EBF1: variants seen among roughly 807,000 people sequenced by gnomAD.
The protein encoded by EBF1 is transcription factor COE1.
In EBF1, 10 loss-of-function variants were observed where a neutral mutation model predicts 68.4. The observed-to-expected ratio is 0.15, with a 90% confidence interval of 0.09 to 0.25. The LOEUF is 0.25. Ranked by LOEUF, EBF1 falls within the 10% of genes least tolerant of loss-of-function variation. EBF1 has a pLI of 1.00. For missense variants in EBF1, 509 were observed against 794.4 expected (o/e 0.64, Z 4.32); for synonymous variants, 298 against 299.8 (o/e 0.99, Z 0.06).
intron 6 of EBF1, among the ~76,000 whole-genome samples, chr5:159,046,421 T>C (rs932432769): frequency 5.3e-5 from 8 of 152,304 alleles, no homozygotes; most frequent in South Asian, 4.1e-4. Context: ...ATCCTACTTA[T>C]TAAAACATTC....
intron 6 of EBF1, among the ~76,000 whole-genome samples, chr5:158,943,171 T>G (rs1208199657): frequency 6.6e-6 from 1 of 152,148 alleles, no homozygotes; most frequent in Non-Finnish European, 1.5e-5. Context: ...ATCTTCTGTC[T>G]TTCAGGAGGT....
chr5:159,098,899 G>GA (rs997403371), intron 1 of EBF1, among the ~76,000 whole-genome samples: 8 of 127,290 alleles, frequency 6.3e-5, no homozygotes, highest in African/African-American at 2.4e-4. Context: ...GAAAGAAAAA[G>GA]AAAAAAGAAA....
chr5:158,778,416 T>C (rs1442146047), intron 9 of EBF1, among the ~76,000 whole-genome samples: 1 of 152,210 alleles, frequency 6.6e-6, no homozygotes. Context: ...ATTCTGCAAT[T>C]GTCTACTCTT....
At chr5:158,937,660 G>A (rs1419696544) in intron 6 of EBF1, among the ~76,000 whole-genome samples, 1 of 152,176 alleles carries the variant, frequency 6.6e-6, no homozygotes, top group Non-Finnish European at 1.5e-5. Flanking sequence ...ATTCGAGTGC[G>A]GAATGGCTTC....
intron 8 of EBF1, among the ~76,000 whole-genome samples, chr5:158,818,133 C>T (rs1245888503): frequency 6.6e-6 from 1 of 152,164 alleles, no homozygotes; most frequent in African/African-American, 2.4e-5. Context: ...AGCAAAGTGA[C>T]CTTCCCAGGG....
intron 6 of EBF1, among the ~76,000 whole-genome samples, chr5:158,942,334 C>T (rs925477004): frequency 3.3e-5 from 5 of 152,180 alleles, no homozygotes; most frequent in African/African-American, 9.7e-5. Flanking sequence ...ATCAGACCAC[C>T]TGCATTCAAT....
intron 10 of EBF1, among the ~76,000 whole-genome samples, chr5:158,767,192 A>G (rs1244909454): frequency 6.6e-6 from 1 of 152,202 alleles, no homozygotes; most frequent in East Asian, 1.9e-4. Flanking sequence ...TCTATATTAG[A>G]AGTAAGTACT....
intron 11 of EBF1, among the ~76,000 whole-genome samples, chr5:158,723,145 C>T (rs919467984): frequency 4.6e-5 from 7 of 152,186 alleles, no homozygotes; most frequent in African/African-American, 1.7e-4. Context: ...CAGGGTTTGT[C>T]TGCATTTACA....
intron 6 of EBF1, among the ~76,000 whole-genome samples, chr5:158,956,665 T>A (rs1485020413): frequency 6.6e-6 from 1 of 151,694 alleles, no homozygotes; most frequent in Non-Finnish European, 1.5e-5. Flanking sequence ...GAAAATATTA[T>A]AGAAAGGTTC....
intron 10 of EBF1, among the ~76,000 whole-genome samples, chr5:158,767,666 C>G (rs1245003058): frequency 6.6e-6 from 1 of 150,404 alleles, no homozygotes; most frequent in East Asian, 2.0e-4. Context: ...TTGTAGAGAA[C>G]AAGAAGACTG....
chr5:158,810,171 A>G (rs1392646560), intron 8 of EBF1, among the ~76,000 whole-genome samples: 3 of 152,156 alleles, frequency 2.0e-5, no homozygotes, highest in African/African-American at 7.2e-5. Context: ...GACCAAAGAT[A>G]TATTTTCTTC....
At position 158,760,107 on chromosome 5, in the gene EBF1, C is replaced by T. The variant is rs554398183; in HGVS notation, c.1036+17306G>A. On this transcript the variant is annotated intron_variant, in intron 10 of 15. Coordinates refer to ENST00000313708, the MANE Select transcript of EBF1 (RefSeq NM_024007.5). ...TTTGTCCTTTAAGACTTTAGAAATT[C>T]TAGGTGAATTAATAAATTCACGGTT... 2.0e-5 allele frequency among the ~76,000 whole-genome samples: 3 copies of T among 152,214 alleles called. No individual in the cohort carries two copies. In the East Asian group the frequency reaches 5.8e-4, roughly 29 times the overall value.
intron 5 of EBF1, 49 bp downstream of exon 5, chr5:159,084,617 A>G (rs1200205755): frequency 8.2e-6 from 12 of 1,459,172 alleles, no homozygotes; most frequent in African/African-American, 2.9e-5. Flanking sequence ...TGAAATGCAA[A>G]TTCATCTTCT....
intron 10 of EBF1, among the ~76,000 whole-genome samples, chr5:158,748,661 T>C (rs13170526): frequency 6.6e-6 from 1 of 152,136 alleles, no homozygotes; most frequent in African/African-American, 2.4e-5. Flanking sequence ...GCATATTAAG[T>C]GCTCATCTTC....
chr5:159,082,281 G>A (rs531063784), intron 5 of EBF1, among the ~76,000 whole-genome samples: 23 of 152,156 alleles, frequency 1.5e-4, no homozygotes, highest in Non-Finnish European at 3.1e-4. Context: ...TTATTGTGCC[G>A]TTAGCTTTGA....
At chr5:158,769,207 T>C (rs555276400) in intron 10 of EBF1, among the ~76,000 whole-genome samples, 11 of 152,288 alleles carry the variant, frequency 7.2e-5, no homozygotes, top group Admixed American at 3.3e-4. Flanking sequence ...CCCTATTACA[T>C]GAATGATGAA....
chr5:159,048,004 T>C (rs1386124741), intron 6 of EBF1, among the ~76,000 whole-genome samples: 2 of 152,160 alleles, frequency 1.3e-5, no homozygotes, highest in Non-Finnish European at 2.9e-5. Context: ...ACCTGGACCT[T>C]TCAGGAGATA....
chr5:158,991,348 T>A (rs916836926), intron 6 of EBF1, among the ~76,000 whole-genome samples: 8 of 152,212 alleles, frequency 5.3e-5, no homozygotes, highest in African/African-American at 1.9e-4. Flanking sequence ...TACCAGATGG[T>A]TGCTTAAAAA....
Position 158,979,717 on chromosome 5 carries a change from CT to C in EBF1, c.554+93678del, listed in dbSNP as rs149613269. Among the ~76,000 whole-genome samples the C allele has an allele frequency of 3.3e-3, 495 of 150,398 alleles. 2 individuals are homozygous for C. The highest frequency in any genetic ancestry group is 0.011 in the African/African-American group (448 of 41,126). ...CAGACAAGGATACTGGGAAATTCAA[CT>C]TTTTTTTTCTTTTTCTAAAGCAAAA... On this transcript the variant is annotated intron_variant, in intron 6 of 15. Transcript: ENST00000313708.
Sources: gnomAD v4.1 joint callset for allele counts (sites outside exome capture counted in the v4.1 genomes callset) on GRCh38, gnomAD v4.1.1 for gene constraint, MANE v1.5 for transcripts, NCBI Gene and HGNC (gene_info 2026-07-23, HGNC 2026-07-21) for gene names.